Variants in KIAA1328 observed in about 807,000 individuals in gnomAD.
KIAA1328 encodes KIAA1328.
KIAA1328 carries 52 observed loss-of-function variants against 68.1 expected under a neutral mutation model. The observed-to-expected ratio is 0.76, with a 90% CI of 0.61 to 0.96. KIAA1328 has a LOEUF of 0.96. KIAA1328 is among the 40% of genes least tolerant of loss of function. The pLI is 0.00. For synonymous variants in KIAA1328, 232 were observed against 239.4 expected (o/e 0.97, Z 0.28); for missense variants, 641 against 677.6 (o/e 0.95, Z 0.60).
chr18:37,152,082 G>A (rs2059043933), intron 7 of KIAA1328, among the ~76,000 whole-genome samples: 2 of 141,452 alleles, frequency 1.4e-5, no homozygotes, highest in African/African-American at 5.4e-5. Context: ...GTTCTTAGTT[G>A]GAATGGACCT....
chr18:36,900,319 T>G (rs2048996507), intron 5 of KIAA1328, among the ~76,000 whole-genome samples: 1 of 151,968 alleles, frequency 6.6e-6, no homozygotes, highest in South Asian at 2.1e-4. Flanking sequence ...ATCATGTGGG[T>G]AAGTTCCCTA....
intron 4 of KIAA1328, among the ~76,000 whole-genome samples, chr18:36,873,603 G>A (rs919322563): frequency 1.3e-5 from 2 of 152,032 alleles, no homozygotes; most frequent in African/African-American, 4.8e-5. Context: ...GTATTGTAGA[G>A]GTTACCTACC....
intron 6 of KIAA1328, among the ~76,000 whole-genome samples, chr18:36,979,804 G>A (rs1199000364): frequency 6.6e-6 from 1 of 152,170 alleles, no homozygotes; most frequent in Non-Finnish European, 1.5e-5. Flanking sequence ...TCAAAGAAAG[G>A]AGAAGAGACT....
chr18:36,837,572 A>C (rs1330327565), intron 3 of KIAA1328, among the ~76,000 whole-genome samples: 1 of 152,132 alleles, frequency 6.6e-6, no homozygotes, highest in African/African-American at 2.4e-5. Flanking sequence ...TTTGAAGCAC[A>C]GAAGTTTAAA....
chr18:37,122,912 A>G (rs1423795983), intron 7 of KIAA1328, among the ~76,000 whole-genome samples: 1 of 152,138 alleles, frequency 6.6e-6, no homozygotes, highest in African/African-American at 2.4e-5. Context: ...AAAATAATGA[A>G]TTTGTACTGC....
chr18:37,229,134 A>G (rs897206073), downstream of KIAA1328, among the ~76,000 whole-genome samples: 11 of 152,184 alleles, frequency 7.2e-5, no homozygotes, highest in African/African-American at 2.7e-4. Context: ...TGATAGAGTT[A>G]GGAAAGAAGG....
At chr18:37,140,348 A>G (rs1378028599) in intron 7 of KIAA1328, among the ~76,000 whole-genome samples, 1 of 152,174 alleles carries the variant, frequency 6.6e-6, no homozygotes, top group Admixed American at 6.5e-5. Flanking sequence ...TTTTAATTCA[A>G]TAAAACAAAA....
chr18:37,054,817 A>T (rs1199501694), intron 6 of KIAA1328, among the ~76,000 whole-genome samples: 2 of 152,194 alleles, frequency 1.3e-5, no homozygotes, highest in Admixed American at 1.3e-4. Flanking sequence ...TCTATTTTTT[A>T]AAAAGATTAT....
chr18:36,971,373 C>T (rs958047460), intron 6 of KIAA1328, among the ~76,000 whole-genome samples: 9 of 152,144 alleles, frequency 5.9e-5, no homozygotes, highest in African/African-American at 1.4e-4. Context: ...ATACCATTCA[C>T]GACATAGGCA....
At chr18:36,852,363 G>A (rs926711155) in intron 4 of KIAA1328, among the ~76,000 whole-genome samples, 1 of 152,174 alleles carries the variant, frequency 6.6e-6, no homozygotes, top group Non-Finnish European at 1.5e-5. Context: ...GATCAACTCA[G>A]TATACCACTG....
At chr18:37,115,992 T>G (rs535873761) in intron 7 of KIAA1328, among the ~76,000 whole-genome samples, 411 of 152,254 alleles carry the variant, frequency 2.7e-3, no homozygotes, top group African/African-American at 9.8e-3. Flanking sequence ...TACAAACCAC[T>G]GCTCAATGAA....
At chr18:37,134,160 C>T (rs1271271211) in intron 7 of KIAA1328, among the ~76,000 whole-genome samples, 1 of 151,850 alleles carries the variant, frequency 6.6e-6, no homozygotes, top group Non-Finnish European at 1.5e-5. Context: ...ATTACAGGCA[C>T]GCGCCACCAC....
chr18:36,947,784 C>T (rs2050962504), intron 5 of KIAA1328, among the ~76,000 whole-genome samples: 1 of 152,090 alleles, frequency 6.6e-6, no homozygotes, highest in South Asian at 2.1e-4. Flanking sequence ...TTTGCAGGAC[C>T]ATTTCAAAAT....
chr18:37,121,630 A>G (rs1399808604), intron 7 of KIAA1328, among the ~76,000 whole-genome samples: 1 of 152,172 alleles, frequency 6.6e-6, no homozygotes, highest in Non-Finnish European at 1.5e-5. Context: ...CTGTAGGTGA[A>G]TTACTTTATA....
At position 36,968,771 on chromosome 18, in the gene KIAA1328, G is replaced by GACC. The variant is rs572317487; in HGVS notation, c.576+9338_576+9340dup. Among the ~76,000 whole-genome samples, 299 of 152,054 alleles carry GACC rather than the reference G, an allele frequency of 2.0e-3. 2 individuals are homozygous for GACC. Among genetic ancestry groups the GACC allele is most frequent in the Non-Finnish European group, 2.9e-3 (199 of 67,920 alleles). On this transcript the variant is annotated intron_variant, in intron 6 of 9. Coordinates refer to ENST00000280020, the MANE Select transcript of KIAA1328 (RefSeq NM_020776.3). ...AAAGATATTCAGGACCTGAACACTG[G>GACC]ACCAAATGGATCTGATAGACATCTA...
Position 37,044,331 on chromosome 18 carries a change from G to A in KIAA1328, c.577-22559G>A, listed in dbSNP as rs146032940. On this transcript the variant is annotated intron_variant, in intron 6 of 9. Coordinates refer to ENST00000280020, the MANE Select transcript of KIAA1328 (RefSeq NM_020776.3). ...AGAACAGTAACTATGGATCCTATCC[G>A]TCATCTCCCTTCCTTTATTGGGAGT... Among the ~76,000 whole-genome samples the A allele has an allele frequency of 1.4e-4, 21 of 152,186 alleles. No individual in the cohort carries two copies. The East Asian group carries it at 2.5e-3, about 18-fold the overall frequency.
intron 8 of KIAA1328, among the ~76,000 whole-genome samples, chr18:37,160,730 A>G (rs757770285): frequency 2.0e-5 from 3 of 152,170 alleles, no homozygotes; most frequent in Non-Finnish European, 4.4e-5. Flanking sequence ...ATAAACCCTA[A>G]CAACTACAGT....
At chr18:37,081,676 C>T (rs1368040811) in intron 7 of KIAA1328, among the ~76,000 whole-genome samples, 2 of 152,184 alleles carry the variant, frequency 1.3e-5, no homozygotes, top group Non-Finnish European at 2.9e-5. Flanking sequence ...CTTCTCTACC[C>T]ATTTGTCCCA....
chr18:37,099,523 G>A (rs569196927), intron 7 of KIAA1328, among the ~76,000 whole-genome samples: 15 of 152,270 alleles, frequency 9.9e-5, no homozygotes, highest in Non-Finnish European at 1.6e-4. Flanking sequence ...AATAGGTGTG[G>A]TGTGATGCTG....
Sources: allele counts gnomAD v4.1 joint callset (sites outside exome capture counted in the v4.1 genomes callset), GRCh38; gene constraint gnomAD v4.1.1; transcripts MANE v1.5; gene names NCBI Gene and HGNC (gene_info 2026-07-23, HGNC 2026-07-21).